HMCN1: variants seen among roughly 807,000 people sequenced by gnomAD.
HMCN1 encodes hemicentin 1.
In HMCN1, 321 loss-of-function variants were observed where a neutral mutation model predicts 625.9. The ratio of observed to expected loss-of-function variants is 0.51; its 90% confidence interval spans 0.47 to 0.56. The LOEUF (loss-of-function observed/expected upper bound fraction) is 0.56. Among genes scored for constraint, HMCN1 ranks in the 20% least tolerant of loss-of-function variants. HMCN1 has a pLI of 0.00. For missense variants in HMCN1, 6,588 were observed against 6,887.3 expected, an observed-to-expected ratio of 0.96 and a Z score of 1.54; for synonymous variants, 2,425 against 2,417.6, an observed-to-expected ratio of 1.00 and a Z score of -0.09.
At chr1:186,070,561 C>A in intron 51 of HMCN1, 51 bp from the exon 52 acceptor site, 1 of 1,464,012 alleles carries the variant, frequency 6.8e-7, no homozygotes, top group East Asian at 2.3e-5. Flanking sequence ...TGTGGTATTC[C>A]ATGTATTGAA....
Position 185,928,621 on chromosome 1 carries a change from C to T in HMCN1, c.1506C>T (p.Val502=), listed in dbSNP as rs1418235154. 1 of 1,613,520 alleles carries T rather than the reference C, an allele frequency of 6.2e-7. No homozygotes were observed. Among genetic ancestry groups the T allele is most frequent in the Admixed American group, 1.7e-5 (1 of 59,996 alleles). The change falls in exon 10 of 107, where the codon GTC becomes GTT. Residue 502 remains valine, a synonymous_variant. Transcript: ENST00000271588. ...AAGGTTTCTATGAATGCATTGCTGT[C>T]AGCAGTGCAGGTACTGGACGGGCAC... is the stretch of plus-strand genomic sequence containing the variant. The part of the protein sequence containing the change: ...SDEGFYECIA[V]SSAGTGRAQT...
chr1:185,980,601 G>A (rs1164385939), intron 16 of HMCN1, among the ~76,000 whole-genome samples: 1 of 151,276 alleles, frequency 6.6e-6, no homozygotes, highest in Non-Finnish European at 1.5e-5. Context: ...GGGTGGTGGT[G>A]CAGAGCACCA....
At chr1:185,938,645 A>C (rs1281021576) in intron 11 of HMCN1, among the ~76,000 whole-genome samples, 2 of 152,102 alleles carry the variant, frequency 1.3e-5, no homozygotes, top group African/African-American at 2.4e-5. Flanking sequence ...AAAAAATTCC[A>C]ATTTTTGGCA....
chr1:186,117,249 C>A, intron 76 of HMCN1, 134 bp downstream of exon 76: 1 of 1,256,406 alleles, frequency 8.0e-7, no homozygotes, highest in Non-Finnish European at 1.1e-6. Context: ...CATGCAGGTT[C>A]GTTATATGGG....
intron 69 of HMCN1, among the ~76,000 whole-genome samples, chr1:186,106,671 A>G (rs1660625704): frequency 6.6e-6 from 1 of 152,196 alleles, no homozygotes; most frequent in African/African-American, 2.4e-5. Context: ...ACATTCTTAA[A>G]TCGATACCAA....
At chr1:186,109,240 C>T (rs2102459310) in intron 71 of HMCN1, among the ~76,000 whole-genome samples, 1 of 152,266 alleles carries the variant, frequency 6.6e-6, no homozygotes, top group South Asian at 2.1e-4. Context: ...TTGTAACCTA[C>T]ACTTTGTTTC....
chr1:186,085,232 C>T (rs938834339), intron 57 of HMCN1, among the ~76,000 whole-genome samples: 3 of 152,146 alleles, frequency 2.0e-5, no homozygotes, highest in Admixed American at 2.0e-4. Flanking sequence ...TCTTGGTCTG[C>T]TCAGGCTGCT....
chr1:186,189,004 C>T (rs1571490494), intron 106 of HMCN1, among the ~76,000 whole-genome samples: 1 of 152,232 alleles, frequency 6.6e-6, no homozygotes, highest in Admixed American at 6.5e-5. Flanking sequence ...TTTTAATCTA[C>T]AATAATGTGA....
At position 185,740,443 on chromosome 1, in the gene HMCN1, TA is replaced by T. The variant is rs755648909; in HGVS notation, c.268+5399del. Among the ~76,000 whole-genome samples, 21 of 152,040 alleles carry T rather than the reference TA, an allele frequency of 1.4e-4. No individual in the cohort carries two copies. In the East Asian group the frequency reaches 1.7e-3, roughly 13 times the overall value. On this transcript the variant is annotated intron_variant, in intron 1 of 106. Transcript: ENST00000271588. ...AACTGGATGTGAGGTCTTAGAAAAA[TA>T]AAGAAGACAAGACAGGTTCTGAGGA...
intron 2 of HMCN1, among the ~76,000 whole-genome samples, chr1:185,852,330 G>C (rs187954934): frequency 2.6e-5 from 4 of 151,734 alleles, no homozygotes; most frequent in Non-Finnish European, 4.4e-5. Context: ...TAGATATATA[G>C]AGAATTCTTC....
intron 22 of HMCN1, among the ~76,000 whole-genome samples, chr1:185,991,342 G>A (rs1162031735): frequency 3.3e-5 from 5 of 152,068 alleles, no homozygotes; most frequent in African/African-American, 1.2e-4. Context: ...TGTTTTGAAT[G>A]TTTTTTAGTA....
At chr1:186,086,468 G>A (rs928075276) in intron 58 of HMCN1, 61 bp downstream of exon 58, 2 of 1,521,832 alleles carry the variant, frequency 1.3e-6, no homozygotes, top group African/African-American at 1.4e-5. Context: ...AATACAAACA[G>A]CATTTCAAAT....
chr1:185,823,462 TACTG>T lies in HMCN1; in HGVS notation c.269-22561_269-22558del, dbSNP rs1660322863. 3.9e-5 allele frequency among the ~76,000 whole-genome samples: 6 copies of T among 152,300 alleles called. No homozygotes were observed. The South Asian group carries it at 1.2e-3, about 32-fold the overall frequency. ...ATAATGTTAATTTCATGGTAATAAA[TACTG>T]ACAGATTTTTTTTGTTATTTTTGAT... On this transcript the variant is annotated intron_variant, in intron 1 of 106. Transcript: ENST00000271588.
chr1:186,081,950 T>C (rs1659192458), intron 56 of HMCN1, among the ~76,000 whole-genome samples: 1 of 152,176 alleles, frequency 6.6e-6, no homozygotes, highest in South Asian at 2.1e-4. Flanking sequence ...AAATAAATAA[T>C]ATTCTATTGG....
At chr1:186,097,452 C>T (rs1660185052) in intron 68 of HMCN1, among the ~76,000 whole-genome samples, 1 of 150,754 alleles carries the variant, frequency 6.6e-6, no homozygotes, top group East Asian at 2.0e-4. Flanking sequence ...TTGGTATTCA[C>T]AGAGGGTCTG....
At chr1:185,876,087 T>C (rs1272660129) in intron 4 of HMCN1, among the ~76,000 whole-genome samples, 1 of 152,074 alleles carries the variant, frequency 6.6e-6, no homozygotes, top group Non-Finnish European at 1.5e-5. Context: ...TTTGTAGTCC[T>C]CAGTGTCTAT....
At chr1:186,159,740 T>C (rs1205905816) in intron 97 of HMCN1, among the ~76,000 whole-genome samples, 1 of 152,250 alleles carries the variant, frequency 6.6e-6, no homozygotes, top group East Asian at 1.9e-4. Flanking sequence ...TTGCGTATAT[T>C]GAACCAGCCT....
chr1:186,070,860 T>C, intron 52 of HMCN1, 103 bp downstream of exon 52: 1 of 1,229,028 alleles, frequency 8.1e-7, no homozygotes, highest in Non-Finnish European at 1.2e-6. Context: ...AGAATCAATG[T>C]GATCTTAAAA....
In HMCN1 at chr1:186,172,114, A is replaced by T; in HGVS notation, c.15797A>T (p.Glu5266Val). ...DLCPNGMTKAENGTCIDIDEC... is the reference protein window; with the variant it reads ...DLCPNGMTKAVNGTCIDIDEC... ...TGTCCAAATGGAATGACCAAGGCAG[A>T]AAATGGAACCTGTATTGGTGAGTGT... Residue 5266 changes from glutamate to valine, a missense_variant, in exon 102 of 107, where the codon GAA becomes GTA. Around this residue, in one of 3 missense-constraint regions of HMCN1, gnomAD observed 1,954 missense variants for 2,013.1 expected, o/e 0.97. Transcript: ENST00000271588. 2 of 1,613,864 alleles carry T rather than the reference A, an allele frequency of 1.2e-6. No individual in the cohort carries two copies. The highest frequency in any genetic ancestry group is 1.7e-6 in the Non-Finnish European group (2 of 1,179,734).
Sources: gnomAD v4.1 joint callset for allele counts (sites outside exome capture counted in the v4.1 genomes callset) on GRCh38, gnomAD v4.1.1 for gene constraint, gnomAD v4.1.1 regional missense constraint, MANE v1.5 for transcripts, NCBI Gene and HGNC (gene_info 2026-07-23, HGNC 2026-07-21) for gene names.